The following RBBP8 variants were observed in gnomAD, a reference collection of about 807,000 sequenced individuals.
RBBP8 encodes DNA endonuclease RBBP8.
A neutral mutation model predicts 108.3 loss-of-function variants in RBBP8; 88 were observed. That is an observed-to-expected ratio of 0.81 (90% CI 0.68 to 0.97). RBBP8 has a LOEUF of 0.97. Among genes scored for constraint, RBBP8 ranks in the 50% least tolerant of loss-of-function variants. The pLI is 0.00. For synonymous variants in RBBP8, 332 were observed against 348.2 expected, an observed-to-expected ratio of 0.95 and a Z score of 0.52; for missense variants, 1,023 against 1,049.0, an observed-to-expected ratio of 0.98 and a Z score of 0.34.
intron 5 of RBBP8, among the ~76,000 whole-genome samples, chr18:22,969,524 CT>C (rs1913906394): frequency 6.6e-6 from 1 of 152,120 alleles, no homozygotes; most frequent in South Asian, 2.1e-4. Flanking sequence ...TAATTATCTT[CT>C]TTTCCAAACT....
intron 12 of RBBP8, among the ~76,000 whole-genome samples, chr18:22,994,503 A>T (rs1315025213): frequency 2.0e-5 from 3 of 149,004 alleles, no homozygotes; most frequent in African/African-American, 7.3e-5. Context: ...TAAGCCAGGC[A>T]TGGTGGCAGG....
intron 4 of RBBP8, among the ~76,000 whole-genome samples, chr18:22,960,016 C>T (rs1003339466): frequency 6.6e-6 from 1 of 151,608 alleles, no homozygotes. Flanking sequence ...CTCAGCCTCC[C>T]GAGTAGCTGG....
At chr18:22,929,776 A>G (rs1170260612), upstream of RBBP8, among the ~76,000 whole-genome samples, 4 of 152,144 alleles carry the variant, frequency 2.6e-5, no homozygotes, top group Non-Finnish European at 5.9e-5. Flanking sequence ...GTGGAGCTCA[A>G]TTGTCTTGTT....
intron 6 of RBBP8, among the ~76,000 whole-genome samples, chr18:22,978,920 A>G (rs2144639388): frequency 6.6e-6 from 1 of 152,368 alleles, no homozygotes; most frequent in Admixed American, 6.5e-5. Flanking sequence ...GTAAACATGT[A>G]TCAAAACATT....
chr18:22,987,759 TTC>T (rs1291776749), intron 8 of RBBP8, among the ~76,000 whole-genome samples: 4 of 152,208 alleles, frequency 2.6e-5, no homozygotes, highest in Non-Finnish European at 5.9e-5. Flanking sequence ...CGGCTTCACT[TTC>T]TCTCTCTTCC....
intron 10 of RBBP8, among the ~76,000 whole-genome samples, chr18:22,992,088 A>G (rs563407407): frequency 6.6e-6 from 1 of 152,354 alleles, no homozygotes; most frequent in East Asian, 1.9e-4. Context: ...TTCCTCTGCT[A>G]GAGACAGGCT....
At chr18:22,987,495 C>G (rs1029630360) in intron 8 of RBBP8, among the ~76,000 whole-genome samples, 3 of 152,006 alleles carry the variant, frequency 2.0e-5, no homozygotes, top group African/African-American at 7.3e-5. Context: ...TCCCTGTCAC[C>G]CAGGCTGGAG....
chr18:22,993,850 G>T lies in RBBP8; in HGVS notation c.1939+3G>T, dbSNP rs764002455. On this transcript the variant is annotated splice_donor_region_variant and intron_variant, in intron 12 of 18. Transcript: ENST00000327155. Reference sequence around the variant, plus strand: ...AAAGTCTCTACAAAACAACCAAGGTGTGTACACCATAAACAGGATCTCCAC... The same window carrying T: ...AAAGTCTCTACAAAACAACCAAGGTTTGTACACCATAAACAGGATCTCCAC... 19 of 1,612,092 alleles carry T rather than the reference G, an allele frequency of 1.2e-5. No homozygotes were observed. Among genetic ancestry groups the T allele is most frequent in the Non-Finnish European group, 1.4e-5 (17 of 1,178,324 alleles).
intron 15 of RBBP8, among the ~76,000 whole-genome samples, chr18:23,005,811 A>G (rs1275693656): frequency 1.3e-5 from 2 of 152,214 alleles, no homozygotes; most frequent in African/African-American, 2.4e-5. Flanking sequence ...ACTTCCTGAG[A>G]TAATGACTTT....
At chr18:22,956,071 T>C (rs940827284) in intron 4 of RBBP8, among the ~76,000 whole-genome samples, 1 of 152,170 alleles carries the variant, frequency 6.6e-6, no homozygotes, top group Non-Finnish European at 1.5e-5. Context: ...ACATTGCCTA[T>C]TGTATAGTCT....
intron 12 of RBBP8, 118 bp from the exon 13 acceptor site, chr18:22,996,256 C>T: frequency 2.0e-6 from 3 of 1,484,124 alleles, no homozygotes; most frequent in South Asian, 1.3e-5. Flanking sequence ...AGATATAAGT[C>T]CTTTACCAGA....
At chr18:22,996,322 G>A in intron 12 of RBBP8, 52 bp from the exon 13 acceptor site, 4 of 1,605,362 alleles carry the variant, frequency 2.5e-6, no homozygotes, top group Non-Finnish European at 3.4e-6. Context: ...TTAAAGTGAT[G>A]AGAATTTTTG....
chr18:22,943,249 A>G (rs542998500), intron 2 of RBBP8, among the ~76,000 whole-genome samples: 2 of 151,018 alleles, frequency 1.3e-5, no homozygotes, highest in Admixed American at 6.6e-5. Context: ...CAGCCTGGAC[A>G]ACAAAGCGAG....
intron 4 of RBBP8, among the ~76,000 whole-genome samples, chr18:22,960,121 C>T (rs995324823): frequency 1.4e-4 from 21 of 152,092 alleles, no homozygotes; most frequent in Admixed American, 1.4e-3. Flanking sequence ...TCTCAACCTC[C>T]TGACCTTGTG....
At chr18:22,934,402 A>G (rs755680726) in intron 1 of RBBP8, 1 of 152,236 alleles carries the variant, frequency 6.6e-6, no homozygotes, top group Non-Finnish European at 1.5e-5. Context: ...TTAAACGAAT[A>G]TGTTAATACT....
chr18:22,964,825 G>A (rs1370087942), intron 4 of RBBP8, among the ~76,000 whole-genome samples: 1 of 151,564 alleles, frequency 6.6e-6, no homozygotes, highest in African/African-American at 2.4e-5. Context: ...TCTCTTTTTT[G>A]TTCTCAGAAT....
intron 4 of RBBP8, among the ~76,000 whole-genome samples, chr18:22,963,075 A>G (rs1391384541): frequency 6.6e-6 from 1 of 152,166 alleles, no homozygotes; most frequent in Non-Finnish European, 1.5e-5. Flanking sequence ...TAGGAGATCA[A>G]CAAACATAAT....
intron 2 of RBBP8, among the ~76,000 whole-genome samples, chr18:22,944,825 A>G (rs1396692493): frequency 1.3e-5 from 2 of 152,182 alleles, no homozygotes; most frequent in African/African-American, 2.4e-5. Context: ...AATCATTACT[A>G]TGGAGGGCAA....
chr18:22,918,343 G>A (rs571259622), intron 3 of RBBP8, among the ~76,000 whole-genome samples: 113 of 152,258 alleles, frequency 7.4e-4, no homozygotes, highest in African/African-American at 2.7e-3. Context: ...CTCAATGGCA[G>A]AGCCTACTAC....
Sources: gnomAD v4.1 joint callset for allele counts (sites outside exome capture counted in the v4.1 genomes callset) on GRCh38, gnomAD v4.1.1 for gene constraint, MANE v1.5 for transcripts, NCBI Gene and HGNC (gene_info 2026-07-23, HGNC 2026-07-21) for gene names.